Variants in ARHGAP5 observed in about 807,000 individuals in gnomAD.
ARHGAP5 encodes rho GTPase-activating protein 5.
Under a neutral mutation model 116.6 loss-of-function variants are expected in ARHGAP5, and 23 were observed. That is an observed-to-expected ratio of 0.20 (90% CI 0.14 to 0.28). ARHGAP5 has a LOEUF of 0.28. ARHGAP5 is among the 10% of genes least tolerant of loss of function. The pLI is 1.00. For synonymous variants in ARHGAP5, 574 were observed against 602.0 expected, an observed-to-expected ratio of 0.95 and a Z score of 0.68; for missense variants, 1,405 against 1,774.8, an observed-to-expected ratio of 0.79 and a Z score of 3.74.
chr14:32,146,913 T>A (rs1490314717), intron 4 of ARHGAP5, among the ~76,000 whole-genome samples: 3 of 152,186 alleles, frequency 2.0e-5, no homozygotes, highest in Non-Finnish European at 4.4e-5. Flanking sequence ...TATTTTGATA[T>A]CAGATTAGAT....
chr14:32,142,880 G>T (rs1264524803), intron 3 of ARHGAP5, among the ~76,000 whole-genome samples: 1 of 152,118 alleles, frequency 6.6e-6, no homozygotes, highest in Non-Finnish European at 1.5e-5. Flanking sequence ...TTTGTTGGGG[G>T]ACTGAGTCCT....
In ARHGAP5 at chr14:32,135,119, C is replaced by T. The variant is rs190169380; in HGVS notation, c.3866-11144C>T. ...GTATATAGCATTTATTTTGTTCCTTCCAATCCAGTTGTCTCATCACTCCCA... is the reference window on the plus strand; with the variant it reads ...GTATATAGCATTTATTTTGTTCCTTTCAATCCAGTTGTCTCATCACTCCCA... On this transcript the variant is annotated intron_variant, in intron 3 of 6. Coordinates refer to ENST00000345122, the MANE Select transcript of ARHGAP5 (RefSeq NM_001030055.2). Among the ~76,000 whole-genome samples, 829 of 152,256 alleles carry T rather than the reference C, an allele frequency of 5.4e-3. 2 individuals are homozygous for T. Among genetic ancestry groups the T allele is most frequent in the Middle Eastern group, 0.01 (3 of 294 alleles).
chr14:32,100,399 A>G (rs536461116), intron 2 of ARHGAP5, among the ~76,000 whole-genome samples: 38 of 151,936 alleles, frequency 2.5e-4, no homozygotes, highest in South Asian at 8.3e-4. Flanking sequence ...GGGTCTCACT[A>G]TGTTGCCCAG....
At chr14:32,128,530 C>CTA (rs1566676419) in intron 3 of ARHGAP5, among the ~76,000 whole-genome samples, 1 of 152,246 alleles carries the variant, frequency 6.6e-6, no homozygotes, top group Non-Finnish European at 1.5e-5. Flanking sequence ...TGCGTGTCGG[C>CTA]TATCGGTGCT....
At chr14:32,136,382 G>A (rs184587211) in intron 3 of ARHGAP5, among the ~76,000 whole-genome samples, 1 of 152,284 alleles carries the variant, frequency 6.6e-6, no homozygotes, top group Non-Finnish European at 1.5e-5. Flanking sequence ...GTGACCTTTT[G>A]TGTATGGCTC....
Position 32,156,418 on chromosome 14 carries a change from T to C in ARHGAP5, c.*1470T>C, listed in dbSNP as rs1196973279. 7 of 152,428 alleles carry C rather than the reference T, an allele frequency of 4.6e-5. No homozygotes were observed. The highest frequency in any genetic ancestry group is 8.8e-5 in the Non-Finnish European group (6 of 67,866). The allele number at this position is 152,428 out of a possible 1,614,324, so 9.4% of individuals were successfully genotyped here. A position where few individuals can be genotyped will look rare whatever the true frequency, so the allele number is the denominator to read the frequency against. On this transcript the variant is annotated 3_prime_UTR_variant, in exon 7 of 7. Coordinates refer to ENST00000345122, the MANE Select transcript of ARHGAP5 (RefSeq NM_001030055.2). ...GCTCTGTTTTTTCCTAAAATAAATA[T>C]TGTCTCTCCCAACTGTTAAGTTCTA... is the stretch of plus-strand genomic sequence containing the variant.
intron 2 of ARHGAP5, among the ~76,000 whole-genome samples, chr14:32,105,113 G>C (rs116247284): frequency 6.6e-6 from 1 of 152,142 alleles, no homozygotes; most frequent in East Asian, 1.9e-4. Context: ...TGGTGTAGGA[G>C]ACTATGTCTT....
Position 32,146,344 on chromosome 14 carries a change from A to G in ARHGAP5, c.3943+4A>G, listed in dbSNP as rs1198863826. 6 of 1,598,504 alleles carry G rather than the reference A, an allele frequency of 3.8e-6. 1 individual carries two copies. In the Admixed American group the frequency reaches 1.0e-4, roughly 27 times the overall value. On this transcript the variant is annotated splice_donor_region_variant and intron_variant, in intron 4 of 6. Coordinates refer to ENST00000345122, the MANE Select transcript of ARHGAP5 (RefSeq NM_001030055.2). ...ATTCAAAAGCAGTTTGATCAAGGTA[A>G]GAAGATGATTATGTGAAATAAAAAT...
intron 1 of ARHGAP5, among the ~76,000 whole-genome samples, chr14:32,082,264 T>A (rs1438170989): frequency 2.0e-5 from 3 of 152,232 alleles, no homozygotes; most frequent in Non-Finnish European, 4.4e-5. Flanking sequence ...ATATGTTTTC[T>A]TTAGAAAATA....
At chr14:32,125,009 G>A (rs1177198198) in intron 3 of ARHGAP5, among the ~76,000 whole-genome samples, 8 of 152,108 alleles carry the variant, frequency 5.3e-5, no homozygotes, top group Admixed American at 3.3e-4. Context: ...TTTTTCTGAG[G>A]TGCAATTCAT....
At chr14:32,136,420 T>C (rs1045645488) in intron 3 of ARHGAP5, among the ~76,000 whole-genome samples, 2 of 152,232 alleles carry the variant, frequency 1.3e-5, no homozygotes, top group South Asian at 2.1e-4. Flanking sequence ...TTTAGACTTA[T>C]CCTCATTATA....
At chr14:32,144,329 A>G (rs890152970) in intron 3 of ARHGAP5, among the ~76,000 whole-genome samples, 16 of 151,974 alleles carry the variant, frequency 1.1e-4, no homozygotes, top group Non-Finnish European at 1.9e-4. Context: ...GCCTGGCTTT[A>G]AATTGGGTAA....
At position 32,091,749 on chromosome 14, in the gene ARHGAP5, T is replaced by C. The variant is rs570395739; in HGVS notation, c.1080T>C (p.Asn360=). 1.6e-4 allele frequency: 261 copies of C among 1,613,488 alleles called. No individual in the cohort carries two copies. The highest frequency in any genetic ancestry group is 7.3e-4 in the Admixed American group (44 of 59,958). ...ATCTAGAAGAGATTGAACATTTGAA[T>C]TGGTCAGAAGCTTTGAAGTTAATGG... The part of the protein sequence containing the change: ...LPNLEEIEHL[N]WSEALKLMEK... The change falls in exon 2 of 7, where the codon AAT becomes AAC. Residue 360 remains asparagine (N), a synonymous_variant. Transcript: ENST00000345122.
chr14:32,137,940 C>G (rs368339747), intron 3 of ARHGAP5, among the ~76,000 whole-genome samples: 6 of 150,674 alleles, frequency 4.0e-5, no homozygotes, highest in South Asian at 2.1e-4. Flanking sequence ...CCATTGCACT[C>G]CAGCCTGGGG....
At position 32,091,168 on chromosome 14, in the gene ARHGAP5, C is replaced by A. The variant is rs1298530836; in HGVS notation, c.499C>A (p.Gln167Lys). The change falls in exon 2 of 7, where the codon CAA becomes AAA. Residue 167 changes from glutamine (Q) to lysine (K), a missense_variant. Coordinates refer to ENST00000345122, the MANE Select transcript of ARHGAP5 (RefSeq NM_001030055.2). ...DGFLLCIDVS[Q>K]GCNRKFDDQL... The stretch of plus-strand genomic sequence containing the variant: ...ATTTTTATTATGCATTGATGTAAGT[C>A]AAGGATGCAATAGGAAGTTTGATGA... 19 of 1,613,338 alleles carry A rather than the reference C, an allele frequency of 1.2e-5. No homozygotes were observed. The highest frequency in any genetic ancestry group is 3.3e-4 in the Middle Eastern group (2 of 6,084).
intron 2 of ARHGAP5, among the ~76,000 whole-genome samples, chr14:32,095,245 T>C (rs1327166016): frequency 6.6e-6 from 1 of 152,074 alleles, no homozygotes. Flanking sequence ...CAATTAAAGG[T>C]GTCGATATTT....
At chr14:32,113,602 G>T (rs547991470) in intron 2 of ARHGAP5, among the ~76,000 whole-genome samples, 1 of 152,322 alleles carries the variant, frequency 6.6e-6, no homozygotes, top group South Asian at 2.1e-4. Context: ...ATAAGCCAGA[G>T]AATCTATAAT....
At chr14:32,117,646 CT>C (rs1278214000) in intron 3 of ARHGAP5, among the ~76,000 whole-genome samples, 10 of 152,244 alleles carry the variant, frequency 6.6e-5, no homozygotes, top group Admixed American at 5.9e-4. Context: ...ATGCTGTTTA[CT>C]TTCATTACCC....
At chr14:32,138,062 A>G (rs1014829305) in intron 3 of ARHGAP5, among the ~76,000 whole-genome samples, 5 of 151,638 alleles carry the variant, frequency 3.3e-5, no homozygotes, top group Admixed American at 6.6e-5. Flanking sequence ...TGTCAACACT[A>G]TTTTGTCATT....
Sources: gnomAD v4.1 joint callset for allele counts (sites outside exome capture counted in the v4.1 genomes callset) on GRCh38, gnomAD v4.1.1 for gene constraint, MANE v1.5 for transcripts, NCBI Gene and HGNC (gene_info 2026-07-23, HGNC 2026-07-21) for gene names.